Variants in RBMS3 observed in about 807,000 individuals in gnomAD.
RBMS3 encodes RNA-binding motif, single-stranded-interacting protein 3.
Under a neutral mutation model 66.8 loss-of-function variants are expected in RBMS3, and 27 were observed. The observed-to-expected ratio is 0.40, with a 90% CI of 0.30 to 0.56. RBMS3 has a LOEUF of 0.56. Among genes scored for constraint, RBMS3 ranks in the 20% least tolerant of loss-of-function variants. RBMS3 has a pLI of 0.40. For missense variants in RBMS3, 513 were observed against 549.5 expected (o/e 0.93, Z 0.66); for synonymous variants, 188 against 183.0 (o/e 1.03, Z -0.22).
intron 10 of RBMS3, among the ~76,000 whole-genome samples, chr3:29,925,555 A>G (rs1238276079): frequency 6.6e-6 from 1 of 152,216 alleles, no homozygotes; most frequent in Non-Finnish European, 1.5e-5. Context: ...AATATTACTA[A>G]TATTATTCCA....
At chr3:29,992,225 T>TAAAACATTAAGAAATAA (rs1698924749) in intron 14 of RBMS3, among the ~76,000 whole-genome samples, 1 of 152,226 alleles carries the variant, frequency 6.6e-6, no homozygotes, top group Non-Finnish European at 1.5e-5. Context: ...TGATATTTGT[T>TAAAACATTAAGAAATAA]AAAACATTAA....
At chr3:29,492,097 C>A (rs1365016334) in intron 3 of RBMS3, among the ~76,000 whole-genome samples, 2 of 152,180 alleles carry the variant, frequency 1.3e-5, no homozygotes, top group Non-Finnish European at 2.9e-5. Flanking sequence ...AAAAGCCTCC[C>A]ATTGCCTTGC....
chr3:29,341,482 T>G (rs1012562148), intron 1 of RBMS3, among the ~76,000 whole-genome samples: 1 of 152,144 alleles, frequency 6.6e-6, no homozygotes, highest in Non-Finnish European at 1.5e-5. Flanking sequence ...ATAAGTATTT[T>G]TATTTTATCA....
Position 29,377,572 on chromosome 3 carries a change from C to G in RBMS3, c.76-57171C>G, listed in dbSNP as rs1440127727. 2.6e-5 allele frequency among the ~76,000 whole-genome samples: 4 copies of G among 152,186 alleles called. No homozygotes were observed. In the East Asian group the frequency reaches 7.7e-4, roughly 29 times the overall value. ...TGGCTGCCAGCTTCAAGATTGCATG[C>G]CCCTCTGAGCAGTTTATCTCTAACC... On this transcript the variant is annotated intron_variant, in intron 1 of 14. Transcript: ENST00000383767.
At chr3:30,002,152 A>G (rs948526608) in intron 14 of RBMS3, among the ~76,000 whole-genome samples, 15 of 152,082 alleles carry the variant, frequency 9.9e-5, no homozygotes, top group African/African-American at 3.4e-4. Flanking sequence ...GTGTACAGTT[A>G]TAAAACCTAA....
chr3:29,856,700 T>C (rs1399245080), intron 6 of RBMS3, among the ~76,000 whole-genome samples: 1 of 152,206 alleles, frequency 6.6e-6, no homozygotes, highest in Non-Finnish European at 1.5e-5. Flanking sequence ...AGTTTATCAC[T>C]TTGTTTCTAT....
intron 4 of RBMS3, among the ~76,000 whole-genome samples, chr3:29,717,493 C>T (rs2053447349): frequency 6.6e-6 from 1 of 152,054 alleles, no homozygotes; most frequent in Admixed American, 6.6e-5. Context: ...TTGTAAACTG[C>T]TAGCATTAAA....
At chr3:29,351,270 A>G (rs1335992155) in intron 1 of RBMS3, among the ~76,000 whole-genome samples, 3 of 152,112 alleles carry the variant, frequency 2.0e-5, no homozygotes, top group Non-Finnish European at 4.4e-5. Context: ...CTTAGGATTA[A>G]TTTCTCTAAG....
chr3:29,772,633 C>A (rs1446846047), intron 6 of RBMS3, among the ~76,000 whole-genome samples: 1 of 151,880 alleles, frequency 6.6e-6, no homozygotes, highest in African/African-American at 2.4e-5. Context: ...AGCCGAGGAG[C>A]AGCATAGGAG....
At chr3:29,716,304 A>G (rs1015965993) in intron 4 of RBMS3, among the ~76,000 whole-genome samples, 1 of 152,182 alleles carries the variant, frequency 6.6e-6, no homozygotes, top group Non-Finnish European at 1.5e-5. Flanking sequence ...TTTGCTTATT[A>G]CCATACAATG....
At chr3:29,704,854 C>T (rs533337531) in intron 4 of RBMS3, among the ~76,000 whole-genome samples, 81 of 152,144 alleles carry the variant, frequency 5.3e-4, no homozygotes, top group African/African-American at 1.9e-3. Context: ...TAGGGTTTAC[C>T]CACAAAAATA....
intron 2 of RBMS3, among the ~76,000 whole-genome samples, chr3:29,437,709 A>G (rs2041452888): frequency 6.6e-6 from 1 of 152,200 alleles, no homozygotes; most frequent in Non-Finnish European, 1.5e-5. Context: ...AATCTTGGCT[A>G]TGCTATCAAC....
chr3:29,981,340 G>A (rs1697977987), intron 12 of RBMS3, among the ~76,000 whole-genome samples: 1 of 152,134 alleles, frequency 6.6e-6, no homozygotes, highest in African/African-American at 2.4e-5. Context: ...CTGAGACGGT[G>A]GGGTTTTCTA....
At chr3:29,877,109 G>T (rs2059627075) in intron 7 of RBMS3, among the ~76,000 whole-genome samples, 1 of 152,188 alleles carries the variant, frequency 6.6e-6, no homozygotes, top group Non-Finnish European at 1.5e-5. Context: ...ATCATGCATT[G>T]AACTTACTAG....
At position 29,471,717 on chromosome 3, in the gene RBMS3, A is replaced by T. The variant is rs202072258; in HGVS notation, c.249-16724A>T. On this transcript the variant is annotated intron_variant, in intron 2 of 14. Transcript: ENST00000383767. Reference sequence around the variant, plus strand: ...AATGAATTTTATATCATGAGGACTTAGTTTTTTTTTTTTTTTTTTTGGTAA... The same window carrying T: ...AATGAATTTTATATCATGAGGACTTTGTTTTTTTTTTTTTTTTTTTGGTAA... Among the ~76,000 whole-genome samples the T allele has an allele frequency of 2.6e-3, 133 of 51,100 alleles. 3 individuals carry two copies. The highest frequency in any genetic ancestry group is 9.2e-3 in the East Asian group (10 of 1,092). 33.5% of individuals were successfully genotyped at this position (51,100 alleles called of 152,430 possible). A position where few individuals can be genotyped will look rare whatever the true frequency, so the allele number is the denominator to read the frequency against.
At chr3:29,857,025 C>T (rs1167647633) in intron 6 of RBMS3, among the ~76,000 whole-genome samples, 1 of 152,142 alleles carries the variant, frequency 6.6e-6, no homozygotes, top group African/African-American at 2.4e-5. Flanking sequence ...GTCATTACAC[C>T]TGTAAATCTT....
At chr3:29,777,464 G>A (rs1276268826) in intron 6 of RBMS3, among the ~76,000 whole-genome samples, 1 of 151,778 alleles carries the variant, frequency 6.6e-6, no homozygotes, top group African/African-American at 2.4e-5. Context: ...CGTTTTATTA[G>A]TAAATGCTTA....
intron 6 of RBMS3, among the ~76,000 whole-genome samples, chr3:29,782,185 G>C (rs185430331): frequency 6.6e-6 from 1 of 152,036 alleles, no homozygotes; most frequent in South Asian, 2.1e-4. Context: ...TAGCTGACGC[G>C]CTCTTGAAAG....
At chr3:29,642,216 T>G (rs1343438690) in intron 4 of RBMS3, among the ~76,000 whole-genome samples, 1 of 152,076 alleles carries the variant, frequency 6.6e-6, no homozygotes, top group Admixed American at 6.6e-5. Flanking sequence ...TTTGCAATTC[T>G]AAGTGGAAAT....
Sources: gnomAD v4.1 joint callset for allele counts (sites outside exome capture counted in the v4.1 genomes callset) on GRCh38, gnomAD v4.1.1 for gene constraint, MANE v1.5 for transcripts, NCBI Gene and HGNC (gene_info 2026-07-23, HGNC 2026-07-21) for gene names.